Variants in GRIA3 observed in about 807,000 individuals in gnomAD.
GRIA3 encodes glutamate ionotropic receptor AMPA type subunit 3.
In GRIA3, 3 loss-of-function variants were observed where a neutral mutation model predicts 63.0. The ratio of observed to expected loss-of-function variants is 0.05; its 90% CI spans 0.02 to 0.12. The LOEUF (loss-of-function observed/expected upper bound fraction) is 0.12. Ranked by LOEUF, GRIA3 falls within the 10% of genes least tolerant of loss-of-function variation. GRIA3 has a pLI of 1.00. For missense variants in GRIA3, 347 were observed against 700.9 expected (o/e 0.50, Z 5.70); for synonymous variants, 274 against 257.9 (o/e 1.06, Z -0.60).
intron 12 of GRIA3, among the ~76,000 whole-genome samples, chrX:123,443,360 G>C (rs1244075968): frequency 8.9e-6 from 1 of 111,861 alleles, no homozygotes; most frequent in African/African-American, 3.3e-5. Context: ...AGTCTTGAGT[G>C]ACCAGGACTG....
intron 2 of GRIA3, among the ~76,000 whole-genome samples, chrX:123,213,291 G>A (rs1409759222): frequency 8.9e-6 from 1 of 112,434 alleles, no homozygotes; most frequent in Non-Finnish European, 1.9e-5. Flanking sequence ...TGCATTGGTT[G>A]TTTCATATGA....
chrX:123,209,856 CA>C lies in GRIA3; in HGVS notation c.268+23871del, dbSNP rs749719319. Among the ~76,000 whole-genome samples the C allele has an allele frequency of 4.5e-5, 5 of 110,715 alleles. No homozygotes were observed. In the South Asian group the frequency reaches 1.9e-3, roughly 43 times the overall value. On this transcript the variant is annotated intron_variant, in intron 2 of 15. Transcript: ENST00000620443. The stretch of plus-strand genomic sequence containing the variant: ...GGAGGTACTGAGTCCATATGCCTGT[CA>C]AAAATAATGACAGACAGATTACAGG...
At chrX:123,457,327 G>A (rs1362282756) in intron 12 of GRIA3, among the ~76,000 whole-genome samples, 1 of 111,421 alleles carries the variant, frequency 9.0e-6, no homozygotes, top group African/African-American at 3.3e-5. Flanking sequence ...ACCAGAAAAG[G>A]GGTACAAGTT....
In GRIA3 at chrX:123,489,516, T is replaced by C. The variant is rs1311251752; in HGVS notation, c.*806T>C. The C allele has an allele frequency of 8.9e-6, 1 of 112,281 alleles. No individual in the cohort carries two copies. 9.3% of individuals were successfully genotyped at this position (112,281 alleles called of 1,213,427 possible). A position where few individuals can be genotyped will look rare whatever the true frequency, so the allele number is the denominator to read the frequency against. ...GACGGGGCACTATCAGGATACCTCT[T>C]GGTGCTTTCCTAAAATGGATCCCGG... On this transcript the variant is annotated 3_prime_UTR_variant, in exon 16 of 16. Transcript: ENST00000620443.
intron 12 of GRIA3, among the ~76,000 whole-genome samples, chrX:123,434,567 A>T (rs1354065380): frequency 9.1e-6 from 1 of 110,250 alleles, no homozygotes; most frequent in Non-Finnish European, 1.9e-5. Flanking sequence ...ATGCTGTCTT[A>T]TTTTTTTTTA....
chrX:123,298,121 C>A (rs1375104324), intron 3 of GRIA3, among the ~76,000 whole-genome samples: 1 of 111,112 alleles, frequency 9.0e-6, no homozygotes, highest in East Asian at 2.8e-4. Context: ...TTTTCTTTAT[C>A]CAATCTCTCT....
At chrX:123,351,030 C>T (rs886886513) in intron 4 of GRIA3, among the ~76,000 whole-genome samples, 1 of 112,142 alleles carries the variant, frequency 8.9e-6, no homozygotes, top group Non-Finnish European at 1.9e-5. Flanking sequence ...CTATTTCTTC[C>T]TTAAATTTCA....
chrX:123,203,418 G>A (rs984747407), intron 2 of GRIA3, among the ~76,000 whole-genome samples: 4 of 111,899 alleles, frequency 3.6e-5, no homozygotes, highest in Non-Finnish European at 7.5e-5. Flanking sequence ...GGGAATTAGA[G>A]TAGGTGATTT....
chrX:123,306,357 T>C (rs2044754939), intron 3 of GRIA3, among the ~76,000 whole-genome samples: 1 of 111,932 alleles, frequency 8.9e-6, no homozygotes, highest in Non-Finnish European at 1.9e-5. Flanking sequence ...CACTCTTCCC[T>C]AGAAAGAAGG....
At chrX:123,406,925 C>T (rs1240770396) in intron 10 of GRIA3, among the ~76,000 whole-genome samples, 1 of 111,674 alleles carries the variant, frequency 9.0e-6, no homozygotes, top group African/African-American at 3.3e-5. Flanking sequence ...TCCTGTTCCT[C>T]ATCTCCCCAA....
In GRIA3 at chrX:123,204,703, G is replaced by C. The variant is rs191955138; in HGVS notation, c.268+18713G>C. ...CTCAAATCCTGTGTTCAGTTGTGTG[G>C]GTGTATTTTTGGGAGTTGAGGGGAA... is the stretch of plus-strand genomic sequence containing the variant. On this transcript the variant is annotated intron_variant, in intron 2 of 15. Coordinates refer to ENST00000620443, the MANE Select transcript of GRIA3 (RefSeq NM_007325.5). The C allele has an allele frequency of 2.2e-5, 21 of 974,598 alleles. No homozygotes were observed. The East Asian group carries it at 8.3e-4, about 39-fold the overall frequency. The allele number at this position is 974,598 out of a possible 1,213,427, so 80.3% of individuals were successfully genotyped here.
intron 2 of GRIA3, among the ~76,000 whole-genome samples, chrX:123,193,868 A>G (rs1453691685): frequency 1.8e-5 from 2 of 111,281 alleles, no homozygotes; most frequent in Admixed American, 9.5e-5. Context: ...GGGGCTTTCC[A>G]AGACAGGTAA....
At chrX:123,279,057 A>G (rs1352529864) in intron 3 of GRIA3, among the ~76,000 whole-genome samples, 5 of 112,085 alleles carry the variant, frequency 4.5e-5, no homozygotes, top group Non-Finnish European at 9.4e-5. Flanking sequence ...ATCCATGAAC[A>G]TGGGATATAT....
At chrX:123,385,683 T>C (rs1227238909) in intron 5 of GRIA3, among the ~76,000 whole-genome samples, 2 of 112,065 alleles carry the variant, frequency 1.8e-5, no homozygotes, top group East Asian at 2.8e-4. Flanking sequence ...GTTTTGTAAT[T>C]CTCATTGTAC....
chrX:123,337,811 A>G lies in GRIA3; in HGVS notation c.696+11598A>G, dbSNP rs2044983853. Among the ~76,000 whole-genome samples the G allele has an allele frequency of 2.7e-5, 3 of 111,239 alleles. No homozygotes were observed. In the Admixed American group the frequency reaches 2.9e-4, roughly 11 times the overall value. On this transcript the variant is annotated intron_variant, in intron 4 of 15. Transcript: ENST00000620443. ...TCCTCTTGACCTATTTCAAACTACT[A>G]CTTGTGCTTAACTTGAAAACTTCCT...
intron 10 of GRIA3, among the ~76,000 whole-genome samples, chrX:123,414,413 T>A (rs901527378): frequency 8.9e-6 from 1 of 112,328 alleles, no homozygotes; most frequent in African/African-American, 3.2e-5. Flanking sequence ...CATTTCTTTT[T>A]CTTTTTCTTT....
chrX:123,318,154 C>T (rs1040778172), intron 3 of GRIA3, among the ~76,000 whole-genome samples: 1 of 112,133 alleles, frequency 8.9e-6, no homozygotes, highest in African/African-American at 3.2e-5. Context: ...CTGGGCTGCA[C>T]ACAGCACGGG....
chrX:123,241,174 G>T (rs1311055946), intron 2 of GRIA3, among the ~76,000 whole-genome samples: 1 of 111,586 alleles, frequency 9.0e-6, no homozygotes, highest in Non-Finnish European at 1.9e-5. Flanking sequence ...TATACTACCC[G>T]AAGCAGACTG....
At chrX:123,256,631 G>C (rs752632585) in intron 3 of GRIA3, among the ~76,000 whole-genome samples, 52 of 112,353 alleles carry the variant, frequency 4.6e-4, no homozygotes, top group Non-Finnish European at 7.3e-4. Context: ...GCAGACTGTA[G>C]AGGTAGACAA....
Sources: allele counts gnomAD v4.1 joint callset (sites outside exome capture counted in the v4.1 genomes callset), GRCh38; gene constraint gnomAD v4.1.1; transcripts MANE v1.5; gene names NCBI Gene and HGNC (gene_info 2026-07-23, HGNC 2026-07-21).